The following PARVA variants were observed in gnomAD, a reference collection of about 807,000 sequenced individuals.
The protein encoded by PARVA is alpha-parvin.
In PARVA, 25 loss-of-function variants were observed where a neutral mutation model predicts 52.6. The observed-to-expected ratio is 0.48, with a 90% CI of 0.35 to 0.66. PARVA has a LOEUF of 0.66. Among genes scored for constraint, PARVA ranks in the 30% least tolerant of loss-of-function variants. PARVA has a pLI of 0.01. For missense variants in PARVA, 373 were observed against 450.9 expected (o/e 0.83, Z 1.56); for synonymous variants, 185 against 179.1 (o/e 1.03, Z -0.26).
intron 1 of PARVA, among the ~76,000 whole-genome samples, chr11:12,470,641 C>A (rs10741592): frequency 0.9 from 136,594 of 152,158 alleles, 62,543 homozygotes; most frequent in East Asian, 1. Context: ...GAGTTAACAG[C>A]CATATAAGTT....
intron 12 of PARVA, among the ~76,000 whole-genome samples, chr11:12,522,407 T>G (rs1941647739): frequency 7.1e-6 from 1 of 141,446 alleles, no homozygotes; most frequent in Non-Finnish European, 1.5e-5. Flanking sequence ...AGACAACAAA[T>G]CAAGAGCTTT....
chr11:12,418,845 T>C (rs1249550376), intron 1 of PARVA, among the ~76,000 whole-genome samples: 1 of 152,150 alleles, frequency 6.6e-6, no homozygotes, highest in Non-Finnish European at 1.5e-5. Context: ...ATAATAACCA[T>C]TATTGCTGTG....
intron 1 of PARVA, among the ~76,000 whole-genome samples, chr11:12,399,331 G>GT (rs1344398031): frequency 2.0e-5 from 3 of 152,190 alleles, no homozygotes; most frequent in African/African-American, 4.8e-5. Flanking sequence ...CAGAGGGGCA[G>GT]TTCTTTTTTA....
intron 1 of PARVA, among the ~76,000 whole-genome samples, chr11:12,445,047 G>C (rs1940525827): frequency 6.6e-6 from 1 of 152,124 alleles, no homozygotes; most frequent in African/African-American, 2.4e-5. Context: ...TTTAACCCTT[G>C]AGTGCACAGA....
intron 1 of PARVA, among the ~76,000 whole-genome samples, chr11:12,383,150 A>C (rs1261981482): frequency 6.6e-6 from 1 of 152,174 alleles, no homozygotes; most frequent in African/African-American, 2.4e-5. Flanking sequence ...GTTGTAGCTT[A>C]AGTGGCTTTT....
chr11:12,415,524 G>C (rs971475939), intron 1 of PARVA, among the ~76,000 whole-genome samples: 1 of 151,892 alleles, frequency 6.6e-6, no homozygotes, highest in African/African-American at 2.4e-5. Context: ...TATTGGGAGG[G>C]ACCAGGAGAG....
At chr11:12,411,228 C>T (rs550462334) in intron 1 of PARVA, among the ~76,000 whole-genome samples, 4 of 152,208 alleles carry the variant, frequency 2.6e-5, no homozygotes, top group South Asian at 2.1e-4. Context: ...AAGGTAATTG[C>T]GATCTTTGCC....
At position 12,502,323 on chromosome 11, in the gene PARVA, T is replaced by C. The variant is rs531639605; in HGVS notation, c.542-1991T>C. On this transcript the variant is annotated intron_variant, in intron 5 of 12. Coordinates refer to ENST00000334956, the MANE Select transcript of PARVA (RefSeq NM_018222.5). ...CTTTTCTTAGTGATTTCTCAAAGCT[T>C]CTGCTAAATCAGACTCACTGATCCC... Among the ~76,000 whole-genome samples, 124 of 152,310 alleles carry C rather than the reference T, an allele frequency of 8.1e-4. 1 individual carries two copies. The highest frequency in any genetic ancestry group is 2.8e-3 in the African/African-American group (117 of 41,570).
At chr11:12,381,539 G>T (rs1037596729) in intron 1 of PARVA, among the ~76,000 whole-genome samples, 28 of 152,128 alleles carry the variant, frequency 1.8e-4, no homozygotes, top group African/African-American at 6.3e-4. Context: ...CTATGTGGGG[G>T]TTATGGACAT....
At chr11:12,482,336 A>G (rs1021517495) in intron 4 of PARVA, among the ~76,000 whole-genome samples, 4 of 152,036 alleles carry the variant, frequency 2.6e-5, no homozygotes, top group African/African-American at 7.2e-5. Flanking sequence ...TAATTTAAAA[A>G]GGAAAGCTGG....
intron 5 of PARVA, among the ~76,000 whole-genome samples, chr11:12,498,925 C>T (rs1239541655): frequency 1.3e-5 from 2 of 152,190 alleles, no homozygotes; most frequent in Admixed American, 6.5e-5. Flanking sequence ...TTACATCACA[C>T]GTATTTTCTA....
chr11:12,416,220 A>G (rs1223766831), intron 1 of PARVA, among the ~76,000 whole-genome samples: 1 of 152,230 alleles, frequency 6.6e-6, no homozygotes, highest in Non-Finnish European at 1.5e-5. Context: ...GCAGGCAGAT[A>G]GAGCATGTGT....
In PARVA at chr11:12,533,317, G is replaced by A. The variant is rs1941795544; in HGVS notation, c.*5392G>A. ...GGAGGAGGACTCCTGTTTTACCAAC[G>A]GCAGGAGCAGGAATCCCACCATTCA... On this transcript the variant is annotated 3_prime_UTR_variant, in exon 13 of 13. Transcript: ENST00000334956. 1.3e-5 allele frequency among the ~76,000 whole-genome samples: 2 copies of A among 152,210 alleles called. No homozygotes were observed. The highest frequency in any genetic ancestry group is 6.5e-5 in the Admixed American group (1 of 15,288).
chr11:12,472,011 G>T (rs1018995219), intron 1 of PARVA, among the ~76,000 whole-genome samples: 4 of 152,196 alleles, frequency 2.6e-5, no homozygotes, highest in African/African-American at 9.6e-5. Flanking sequence ...GAGAAAGAAA[G>T]AAAACTGGTA....
chr11:12,521,974 A>T (rs1366783840), intron 12 of PARVA, among the ~76,000 whole-genome samples: 1 of 152,226 alleles, frequency 6.6e-6, no homozygotes, highest in Non-Finnish European at 1.5e-5. Context: ...TATCTCAGTG[A>T]GATGGATTTG....
chr11:12,409,822 A>G (rs534262071), intron 1 of PARVA, among the ~76,000 whole-genome samples: 143 of 152,356 alleles, frequency 9.4e-4, no homozygotes, highest in African/African-American at 3.3e-3. Context: ...CCACAGTTGG[A>G]AGCAAGTACG....
chr11:12,393,462 C>G (rs1032976286), intron 1 of PARVA, among the ~76,000 whole-genome samples: 1 of 152,124 alleles, frequency 6.6e-6, no homozygotes, highest in African/African-American at 2.4e-5. Context: ...TTATTTCTTG[C>G]TTACAGCACA....
chr11:12,426,815 G>C (rs1292717629), intron 1 of PARVA, among the ~76,000 whole-genome samples: 2 of 152,190 alleles, frequency 1.3e-5, no homozygotes, highest in Admixed American at 1.3e-4. Context: ...TCAAGTATAG[G>C]AGCAGGCGAA....
chr11:12,454,105 A>T (rs1350628227), intron 1 of PARVA, among the ~76,000 whole-genome samples: 1 of 152,224 alleles, frequency 6.6e-6, no homozygotes, highest in Non-Finnish European at 1.5e-5. Context: ...TCCAGAGGTC[A>T]CAAGCAACCC....
Sources: gnomAD v4.1 joint callset for allele counts (sites outside exome capture counted in the v4.1 genomes callset) on GRCh38, gnomAD v4.1.1 for gene constraint, MANE v1.5 for transcripts, NCBI Gene and HGNC (gene_info 2026-07-23, HGNC 2026-07-21) for gene names.